The following OXR1 variants were observed in gnomAD, a reference collection of about 807,000 sequenced individuals.
OXR1 encodes the protein oxidation resistance protein 1.
OXR1 carries 41 observed loss-of-function variants against 104.6 expected under a neutral mutation model. The observed-to-expected ratio is 0.39, with a 90% CI of 0.31 to 0.51. The LOEUF (loss-of-function observed/expected upper bound fraction) is 0.51. Ranked by LOEUF, OXR1 falls within the 20% of genes least tolerant of loss-of-function variation. The pLI, the probability that OXR1 is intolerant of heterozygous loss-of-function variation, is 0.77. For synonymous variants in OXR1, 348 were observed against 348.4 expected (o/e 1.00, Z 0.01); for missense variants, 955 against 1,031.9 (o/e 0.93, Z 1.02).
intron 3 of OXR1, among the ~76,000 whole-genome samples, chr8:106,528,136 C>A (rs948731984): frequency 6.6e-6 from 1 of 152,002 alleles, no homozygotes; most frequent in Non-Finnish European, 1.5e-5. Context: ...TCTGCTCTTT[C>A]TTCCACCCTG....
intron 11 of OXR1, among the ~76,000 whole-genome samples, chr8:106,717,320 G>T (rs1832362681): frequency 6.6e-6 from 1 of 152,158 alleles, no homozygotes; most frequent in African/African-American, 2.4e-5. Flanking sequence ...ATATAAAACA[G>T]TAGTACTTCA....
rs1275021026 is a variant in OXR1 at position 106,751,297 on chromosome 8, A to G, written c.*356A>G. 2.5e-5 allele frequency: 4 copies of G among 159,200 alleles called. No homozygotes were observed. The highest frequency in any genetic ancestry group is 6.5e-5 in the Admixed American group (1 of 15,382). The allele number at this position is 159,200 out of a possible 1,614,324, so 9.9% of individuals were successfully genotyped here. ...TGTATTGATTTTTTTTTTTTTAACT[A>G]TATTGATTCGTTTACTAGAACAGTC... On this transcript the variant is annotated 3_prime_UTR_variant, in exon 17 of 17. Transcript: ENST00000517566.
At chr8:106,364,352 G>A (rs1382727579) in intron 2 of OXR1, among the ~76,000 whole-genome samples, 6 of 152,164 alleles carry the variant, frequency 3.9e-5, no homozygotes, top group African/African-American at 1.4e-4. Context: ...GGCCGAGGCG[G>A]GTGGATCACT....
At chr8:106,653,509 TA>T in intron 3 of OXR1, among the ~76,000 whole-genome samples, 1 of 151,880 alleles carries the variant, frequency 6.6e-6, no homozygotes, top group East Asian at 1.9e-4. Flanking sequence ...CACAATATTA[TA>T]TCAACAGAAG....
At chr8:106,713,496 G>T (rs1831922008) in intron 10 of OXR1, among the ~76,000 whole-genome samples, 1 of 151,926 alleles carries the variant, frequency 6.6e-6, no homozygotes, top group Admixed American at 6.6e-5. Flanking sequence ...TTGTAGGAAT[G>T]AGGTCAAAGT....
At chr8:106,674,260 A>T (rs185982311) in intron 3 of OXR1, among the ~76,000 whole-genome samples, 1 of 152,334 alleles carries the variant, frequency 6.6e-6, no homozygotes, top group African/African-American at 2.4e-5. Flanking sequence ...TGTGACCTGG[A>T]TGTGAGACAT....
chr8:106,524,067 T>C (rs565716437), intron 3 of OXR1, among the ~76,000 whole-genome samples: 9 of 152,090 alleles, frequency 5.9e-5, no homozygotes, highest in Non-Finnish European at 8.8e-5. Context: ...TGAACCACCA[T>C]CCCTGGCCTG....
intron 2 of OXR1, among the ~76,000 whole-genome samples, chr8:106,363,709 GTGT>G (rs1243091429): frequency 6.6e-6 from 1 of 152,084 alleles, no homozygotes; most frequent in Non-Finnish European, 1.5e-5. Flanking sequence ...CAGGGCAGTA[GTGT>G]TGTTTAGCCA....
intron 2 of OXR1, among the ~76,000 whole-genome samples, chr8:106,393,618 C>G (rs1390925153): frequency 6.6e-6 from 1 of 151,934 alleles, no homozygotes; most frequent in Non-Finnish European, 1.5e-5. Flanking sequence ...TTTCCCCTTC[C>G]TTCTTCTTGA....
intron 3 of OXR1, among the ~76,000 whole-genome samples, chr8:106,533,735 A>C (rs1586770477): frequency 8.0e-6 from 1 of 124,440 alleles, no homozygotes; most frequent in Non-Finnish European, 1.7e-5. Context: ...TTTTTTGGAG[A>C]TGGATTTTCT....
intron 3 of OXR1, among the ~76,000 whole-genome samples, chr8:106,649,213 AAACAAC>A (rs920232794): frequency 6.6e-5 from 10 of 152,050 alleles, no homozygotes; most frequent in African/African-American, 1.9e-4. Context: ...TCAAACAAGA[AAACAAC>A]AACAACAACA....
intron 3 of OXR1, among the ~76,000 whole-genome samples, chr8:106,625,116 T>C (rs1305860611): frequency 1.3e-5 from 2 of 152,126 alleles, no homozygotes; most frequent in African/African-American, 2.4e-5. Flanking sequence ...TTCTGTTTTG[T>C]GGATAAGGAA....
chr8:106,555,963 A>ATTC (rs59149010), intron 3 of OXR1, among the ~76,000 whole-genome samples: 1 of 142,018 alleles, frequency 7.0e-6, no homozygotes, highest in Non-Finnish European at 1.5e-5. Context: ...ATGGAATATT[A>ATTC]AACTATAAAA....
intron 3 of OXR1, among the ~76,000 whole-genome samples, chr8:106,547,879 G>A (rs1212255513): frequency 6.6e-6 from 1 of 152,084 alleles, no homozygotes; most frequent in Non-Finnish European, 1.5e-5. Flanking sequence ...TTTGTCAATG[G>A]ACACATGGGT....
At chr8:106,503,936 A>G (rs887866079) in intron 2 of OXR1, among the ~76,000 whole-genome samples, 1 of 152,234 alleles carries the variant, frequency 6.6e-6, no homozygotes, top group Non-Finnish European at 1.5e-5. Context: ...TTTCAGTCAC[A>G]AAGAGCAAAC....
chr8:106,467,390 A>G (rs1466124918), intron 2 of OXR1, among the ~76,000 whole-genome samples: 1 of 151,850 alleles, frequency 6.6e-6, no homozygotes, highest in Admixed American at 6.6e-5. Context: ...CGGGTCTCAA[A>G]GTTGCTTTTA....
chr8:106,383,003 G>C (rs79444285), intron 2 of OXR1, among the ~76,000 whole-genome samples: 1 of 143,776 alleles, frequency 7.0e-6, no homozygotes, highest in Non-Finnish European at 1.5e-5. Context: ...TTTTTTTTTT[G>C]TAACCCTGGG....
chr8:106,703,813 G>A (rs1003088414), intron 8 of OXR1, among the ~76,000 whole-genome samples: 2 of 152,084 alleles, frequency 1.3e-5, no homozygotes, highest in Non-Finnish European at 2.9e-5. Flanking sequence ...AGGAGAAGTA[G>A]CAAGGAAGGA....
intron 2 of OXR1, among the ~76,000 whole-genome samples, chr8:106,362,306 G>A (rs559253178): frequency 2.2e-4 from 34 of 152,214 alleles, no homozygotes; most frequent in African/African-American, 7.9e-4. Context: ...GTAACTCTGA[G>A]GTTAATGTGG....
Sources: allele counts gnomAD v4.1 joint callset (sites outside exome capture counted in the v4.1 genomes callset), GRCh38; gene constraint gnomAD v4.1.1; transcripts MANE v1.5; gene names NCBI Gene and HGNC (gene_info 2026-07-23, HGNC 2026-07-21).